AGT: variants seen among roughly 807,000 people sequenced by gnomAD.
AGT encodes alpha-1 antiproteinase, antitrypsin.
A neutral mutation model predicts 28.1 loss-of-function variants in AGT; 26 were observed. The observed-to-expected ratio is 0.92, with a 90% CI of 0.68 to 1.28. The LOEUF is 1.28. Ranked by LOEUF, AGT falls within the 50% of genes most tolerant of loss-of-function variation. AGT has a pLI of 0.00. For missense variants in AGT, 596 were observed against 592.3 expected (o/e 1.01, Z -0.06); for synonymous variants, 259 against 259.6 (o/e 1.00, Z 0.02).
chr1:230,715,407 C>T (rs1223258704), upstream of AGT, among the ~76,000 whole-genome samples: 2 of 152,128 alleles, frequency 1.3e-5, no homozygotes, highest in African/African-American at 2.4e-5. Flanking sequence ...TACAGTGCCT[C>T]GCATCTGTAA....
chr1:230,727,930 C>A (rs1663974837), intron 1 of AGT, among the ~76,000 whole-genome samples: 1 of 152,194 alleles, frequency 6.6e-6, no homozygotes, highest in South Asian at 2.1e-4. Context: ...CACATAGAGC[C>A]ACCTGAACAG....
chr1:230,741,365 G>A (rs549823108), intron 1 of AGT, among the ~76,000 whole-genome samples: 8 of 152,344 alleles, frequency 5.3e-5, no homozygotes, highest in South Asian at 2.1e-4. Flanking sequence ...GAAACCAGGG[G>A]AACCACCAGG....
chr1:230,710,503 A>T lies in AGT; in HGVS notation c.321T>A (p.Arg107=). The T allele has an allele frequency of 6.2e-7, 1 of 1,614,200 alleles. No individual in the cohort carries two copies. Among genetic ancestry groups the T allele is most frequent in the Non-Finnish European group, 8.5e-7 (1 of 1,180,036 alleles). Residue 107 remains arginine (R), a synonymous_variant, in exon 2 of 5, where the codon CGT becomes CGA. Coordinates refer to ENST00000366667, the MANE Select transcript of AGT (RefSeq NM_001384479.1). ...ATAGCTCACTGTGCATGCCATATAT[A>T]CGGAAGCCCAAGAAGTTGGCCAGCA... is the stretch of plus-strand genomic sequence containing the variant. ...VGMLANFLGF[R]IYGMHSELWG...
chr1:230,728,016 G>A (rs1663976673), intron 1 of AGT, among the ~76,000 whole-genome samples: 1 of 152,150 alleles, frequency 6.6e-6, no homozygotes, highest in African/African-American at 2.4e-5. Flanking sequence ...AGATAGTTTG[G>A]TAGGCAGGTG....
chr1:230,728,049 T>G (rs1462484172), intron 1 of AGT, among the ~76,000 whole-genome samples: 1 of 152,086 alleles, frequency 6.6e-6, no homozygotes, highest in Non-Finnish European at 1.5e-5. Context: ...ATGCTGCTGA[T>G]TGGTTGGAGA....
At chr1:230,733,840 T>G (rs1664108394) in intron 1 of AGT, among the ~76,000 whole-genome samples, 1 of 152,090 alleles carries the variant, frequency 6.6e-6, no homozygotes, top group South Asian at 2.1e-4. Context: ...GGTCTACCAG[T>G]CAGCCACTTC....
chr1:230,722,379 G>C (rs1465559029), intron 1 of AGT, among the ~76,000 whole-genome samples: 2 of 152,260 alleles, frequency 1.3e-5, no homozygotes, highest in Non-Finnish European at 2.9e-5. Flanking sequence ...ATGTGGGGTT[G>C]CAGCCCTCAC....
At position 230,703,239 on chromosome 1, in the gene AGT, C is replaced by T. The variant is rs1192807886; in HGVS notation, c.1333G>A (p.Val445Met). 4.3e-6 allele frequency: 7 copies of T among 1,614,082 alleles called. No homozygotes were observed. Among genetic ancestry groups the T allele is most frequent in the Non-Finnish European group, 4.2e-6 (5 of 1,180,048 alleles). The change falls in exon 5 of 5, where the codon GTG becomes ATG. Residue 445 changes from valine (V) to methionine (M), a missense_variant. Transcript: ENST00000366667. The stretch of plus-strand genomic sequence containing the variant: ...AACAGGAATGGGCGGTTCAGGGTCA[C>T]CTCCAAGACCTCAGGCTTGTTAAGC... ...QQLNKPEVLE[V>M]TLNRPFLFAV...
At chr1:230,741,232 A>G (rs1299604711) in intron 1 of AGT, among the ~76,000 whole-genome samples, 5 of 152,232 alleles carry the variant, frequency 3.3e-5, no homozygotes, top group Non-Finnish European at 5.9e-5. Flanking sequence ...ACCTTAGGCC[A>G]TAGGGGCAGT....
chr1:230,703,421 C>G (rs1663288448), intron 4 of AGT, 92 bp from the exon 5 acceptor site: 1 of 1,337,592 alleles, frequency 7.5e-7, no homozygotes, highest in African/African-American at 1.4e-5. Context: ...CTCAGGACCT[C>G]TGTGCTGTGC....
intron 1 of AGT, among the ~76,000 whole-genome samples, chr1:230,722,991 C>T (rs930663665): frequency 2.6e-5 from 4 of 152,202 alleles, no homozygotes; most frequent in South Asian, 2.1e-4. Flanking sequence ...AATTTCATCT[C>T]GAATTGTAAT....
upstream of AGT, among the ~76,000 whole-genome samples, chr1:230,718,376 A>G (rs1663779651): frequency 6.6e-6 from 1 of 152,132 alleles, no homozygotes; most frequent in African/African-American, 2.4e-5. Context: ...ACAGTTACTC[A>G]TTTAGGTGGC....
At chr1:230,743,411 A>G (rs1021406264) in intron 1 of AGT, among the ~76,000 whole-genome samples, 3 of 151,816 alleles carry the variant, frequency 2.0e-5, no homozygotes, top group African/African-American at 7.3e-5. Flanking sequence ...TTACACCTCC[A>G]CCCTTGCACC....
At chr1:230,721,553 T>C (rs1361843717) in intron 1 of AGT, among the ~76,000 whole-genome samples, 1 of 152,190 alleles carries the variant, frequency 6.6e-6, no homozygotes, top group African/African-American at 2.4e-5. Context: ...TGGAACAGTT[T>C]GGAGGGCTCA....
chr1:230,704,454 C>G (rs1663327278), intron 3 of AGT, 117 bp from the exon 4 acceptor site: 4 of 1,334,222 alleles, frequency 3.0e-6, no homozygotes, highest in Non-Finnish European at 4.2e-6. Context: ...GTTTGCTCCC[C>G]CCATCACCCA....
intron 1 of AGT, among the ~76,000 whole-genome samples, chr1:230,728,853 C>A (rs76612364): frequency 0.057 from 8,665 of 152,294 alleles, 323 homozygotes; most frequent in Middle Eastern, 0.14. Flanking sequence ...ATACTCCCTG[C>A]AATCCCTGTC....
chr1:230,712,433 G>A (rs11568023), intron 1 of AGT, among the ~76,000 whole-genome samples: 2,049 of 152,172 alleles, frequency 0.013, 92 homozygotes, highest in Admixed American at 0.082. Context: ...GACTCCATCC[G>A]CTGTTCTCAG....
intron 2 of AGT, among the ~76,000 whole-genome samples, chr1:230,709,193 C>T (rs1663497641): frequency 6.6e-6 from 1 of 152,234 alleles, no homozygotes; most frequent in Admixed American, 6.5e-5. Flanking sequence ...CTATACAGCC[C>T]TCCTCTGGCC....
At chr1:230,711,782 A>G (rs1034659684) in intron 1 of AGT, among the ~76,000 whole-genome samples, 8 of 150,934 alleles carry the variant, frequency 5.3e-5, no homozygotes, top group African/African-American at 1.9e-4. Flanking sequence ...GCCCAATGAT[A>G]GTTGGATTCC....
Sources: gnomAD v4.1 joint callset for allele counts (sites outside exome capture counted in the v4.1 genomes callset) on GRCh38, gnomAD v4.1.1 for gene constraint, MANE v1.5 for transcripts, NCBI Gene and HGNC (gene_info 2026-07-23, HGNC 2026-07-21) for gene names.